The following ARHGEF26 variants were observed in gnomAD, a reference collection of about 807,000 sequenced individuals.
The protein encoded by ARHGEF26 is Rho guanine nucleotide exchange factor 26, also known as Rho guanine nucleotide exchange factor (GEF) 26.
A neutral mutation model predicts 89.4 loss-of-function variants in ARHGEF26; 59 were observed. That is an observed-to-expected ratio of 0.66 (90% CI 0.54 to 0.82). The LOEUF (loss-of-function observed/expected upper bound fraction) is 0.82. ARHGEF26 is among the 40% of genes least tolerant of loss of function. The pLI is 0.00. For synonymous variants in ARHGEF26, 500 were observed against 428.4 expected, an observed-to-expected ratio of 1.17 and a Z score of -2.06; for missense variants, 1,234 against 1,085.6, an observed-to-expected ratio of 1.14 and a Z score of -1.92.
intron 11 of ARHGEF26, among the ~76,000 whole-genome samples, chr3:154,226,660 TAC>T (rs3029724): frequency 0.088 from 12,961 of 148,050 alleles, 1,134 homozygotes; most frequent in African/African-American, 0.23. Flanking sequence ...GTTTCTGTTC[TAC>T]ACACACACAC....
At chr3:154,194,873 A>G (rs1714193498) in intron 9 of ARHGEF26, among the ~76,000 whole-genome samples, 155 bp downstream of exon 9, 1 of 152,222 alleles carries the variant, frequency 6.6e-6, no homozygotes, top group Non-Finnish European at 1.5e-5. Context: ...CATATTTGCT[A>G]TACTCAGGTG....
chr3:154,197,764 T>G (rs1428492918), intron 9 of ARHGEF26, among the ~76,000 whole-genome samples: 1 of 152,136 alleles, frequency 6.6e-6, no homozygotes, highest in East Asian at 1.9e-4. Context: ...TGTGCTTACC[T>G]CCTGATTTTC....
intron 6 of ARHGEF26, among the ~76,000 whole-genome samples, chr3:154,180,843 T>C (rs1713138893): frequency 6.6e-6 from 1 of 152,010 alleles, no homozygotes. Flanking sequence ...AGGTAGGATA[T>C]TTTCTGATTG....
rs112401702 is a variant in ARHGEF26, at chr3:154,255,188, G to A, written c.2474-143G>A. The A allele has an allele frequency of 4.8e-4, 402 of 839,030 alleles. 5 individuals carry two copies. In the African/African-American group the frequency reaches 5.7e-3, roughly 12 times the overall value. The allele number at this position is 839,030 out of a possible 1,614,324, so 52.0% of individuals were successfully genotyped here. On this transcript the variant is annotated intron_variant, in intron 14 of 14. Coordinates refer to ENST00000465093, the MANE Select transcript of ARHGEF26 (RefSeq NM_015595.4). ...CCTGCCATGTCATTCATTCCCCCTCGAAAGCTTTCCCTGTCCCACTTTCTC... is the reference window on the plus strand; with the variant it reads ...CCTGCCATGTCATTCATTCCCCCTCAAAAGCTTTCCCTGTCCCACTTTCTC...
At chr3:154,178,819 G>T (rs897422028) in intron 6 of ARHGEF26, among the ~76,000 whole-genome samples, 3 of 152,140 alleles carry the variant, frequency 2.0e-5, no homozygotes, top group Non-Finnish European at 4.4e-5. Flanking sequence ...AAGTGGATAT[G>T]TGTAGACTTG....
intron 8 of ARHGEF26, among the ~76,000 whole-genome samples, chr3:154,192,958 G>A (rs1009004135): frequency 6.6e-6 from 1 of 152,128 alleles, no homozygotes; most frequent in Admixed American, 6.5e-5. Flanking sequence ...TACTTGTATG[G>A]AATGGGACTC....
chr3:154,144,332 A>G (rs116739602), intron 4 of ARHGEF26, among the ~76,000 whole-genome samples: 428 of 152,294 alleles, frequency 2.8e-3, no homozygotes, highest in African/African-American at 0.01. Flanking sequence ...TTTGTAAACT[A>G]GGGATAGTAA....
At chr3:154,162,294 A>C (rs1295276351) in intron 6 of ARHGEF26, among the ~76,000 whole-genome samples, 2 of 152,312 alleles carry the variant, frequency 1.3e-5, no homozygotes, top group East Asian at 3.9e-4. Context: ...TAAAGCTAGC[A>C]CTTGATTTAA....
At chr3:154,255,020 C>T (rs1222794561) in intron 14 of ARHGEF26, among the ~76,000 whole-genome samples, 196 bp downstream of exon 14, 1 of 152,098 alleles carries the variant, frequency 6.6e-6, no homozygotes, top group Non-Finnish European at 1.5e-5. Context: ...CCTCAGTGAC[C>T]CAGTTCTTAT....
intron 9 of ARHGEF26, among the ~76,000 whole-genome samples, chr3:154,203,296 A>G (rs144445592): frequency 0.011 from 1,633 of 152,304 alleles, 22 homozygotes; most frequent in African/African-American, 0.037. Context: ...ATGCTGGATT[A>G]CATTTATTGA....
rs1185293221 is a variant in ARHGEF26 at position 154,122,871 on chromosome 3, G to A, written c.879G>A (p.Gly293=). 7 of 1,612,838 alleles carry A rather than the reference G, an allele frequency of 4.3e-6. No homozygotes were observed. The South Asian group carries it at 5.5e-5, about 13-fold the overall frequency. The stretch of plus-strand genomic sequence containing the variant: ...TAGGAGGACCCCTGGGTCACGCAGG[G>A]GAGGAGAGTGAGGTCGATAACGACG... ...EGLGGPLGHA[G]EESEVDNDVD... The change falls in exon 2 of 15, where the codon GGG becomes GGA. Residue 293 remains glycine (G), a synonymous_variant. Transcript: ENST00000465093.
intron 11 of ARHGEF26, among the ~76,000 whole-genome samples, chr3:154,235,727 C>T (rs143528008): frequency 1.3e-5 from 2 of 151,888 alleles, no homozygotes; most frequent in South Asian, 2.1e-4. Flanking sequence ...TACTTTTTGC[C>T]GTATTAGTGT....
At chr3:154,213,216 A>AGTGTGT (rs536410427) in intron 9 of ARHGEF26, among the ~76,000 whole-genome samples, 6 of 142,034 alleles carry the variant, frequency 4.2e-5, no homozygotes, top group African/African-American at 1.5e-4. Flanking sequence ...AGAGAGAGAG[A>AGTGTGT]GTGTGTGTGT....
At chr3:154,226,350 G>C (rs1489624975) in intron 11 of ARHGEF26, among the ~76,000 whole-genome samples, 1 of 152,044 alleles carries the variant, frequency 6.6e-6, no homozygotes, top group Non-Finnish European at 1.5e-5. Flanking sequence ...TAAAATTTTT[G>C]TGTAAAACAG....
intron 3 of ARHGEF26, among the ~76,000 whole-genome samples, chr3:154,126,025 T>C (rs59868320): frequency 0.23 from 35,036 of 152,078 alleles, 5,405 homozygotes; most frequent in East Asian, 0.47. Flanking sequence ...ATAATACTGT[T>C]GCCTAAGTTG....
intron 6 of ARHGEF26, among the ~76,000 whole-genome samples, chr3:154,153,479 A>G (rs908010111): frequency 5.3e-5 from 8 of 152,050 alleles, no homozygotes; most frequent in African/African-American, 1.4e-4. Flanking sequence ...CCAAGTATAT[A>G]CATTGGATGT....
At chr3:154,141,808 C>T (rs1435721724) in intron 4 of ARHGEF26, among the ~76,000 whole-genome samples, 1 of 152,072 alleles carries the variant, frequency 6.6e-6, no homozygotes, top group East Asian at 1.9e-4. Flanking sequence ...TTTTTCTGTT[C>T]TGTTACATTT....
rs1713673513 is a variant in ARHGEF26 at position 154,187,694 on chromosome 3, A to G, written c.1497A>G (p.Ile499Met). 2 of 1,603,512 alleles carry G rather than the reference A, an allele frequency of 1.2e-6. No homozygotes were observed. Among genetic ancestry groups the G allele is most frequent in the African/African-American group, 1.3e-5 (1 of 74,566 alleles). Residue 499 changes from isoleucine to methionine, a missense_variant, in exon 7 of 15, where the codon ATA becomes ATG. Transcript: ENST00000465093. ...CCCTTTGGTTTTTCAGGTTCTTTAT[A>G]GAGTTGGAAGCAAGACATCAGAATA... Reference protein sequence around the residue: ...DVCEASKKFFIELEARHQNNI... With the variant: ...DVCEASKKFFMELEARHQNNI...
chr3:154,156,041 ATTATC>A (rs1298212585), intron 6 of ARHGEF26, among the ~76,000 whole-genome samples: 1 of 152,046 alleles, frequency 6.6e-6, no homozygotes, highest in Non-Finnish European at 1.5e-5. Context: ...ATAAAGGATA[ATTATC>A]TTTAATGATA....
Sources: allele counts gnomAD v4.1 joint callset (sites outside exome capture counted in the v4.1 genomes callset), GRCh38; gene constraint gnomAD v4.1.1; transcripts MANE v1.5; gene names NCBI Gene and HGNC (gene_info 2026-07-23, HGNC 2026-07-21).